XKR4: variants seen among roughly 807,000 people sequenced by gnomAD.
XKR4 encodes XK-related protein 4.
XKR4 carries 12 observed loss-of-function variants against 53.9 expected under a neutral mutation model. The observed-to-expected ratio is 0.22, with a 90% confidence interval of 0.14 to 0.36. XKR4 has a LOEUF of 0.36. Among genes scored for constraint, XKR4 ranks in the 10% least tolerant of loss-of-function variants. The pLI, the probability that XKR4 is intolerant of heterozygous loss-of-function variation, is 1.00. For synonymous variants in XKR4, 354 were observed against 362.4 expected, an observed-to-expected ratio of 0.98 and a Z score of 0.26; for missense variants, 799 against 859.5, an observed-to-expected ratio of 0.93 and a Z score of 0.88.
At chr8:55,479,408 A>T (rs900906623) in intron 2 of XKR4, among the ~76,000 whole-genome samples, 1 of 152,122 alleles carries the variant, frequency 6.6e-6, no homozygotes, top group South Asian at 2.1e-4. Context: ...CAGTGTGTAG[A>T]GGGAAATTTA....
At chr8:55,491,633 T>TGTTTGTTA (rs1806273790) in intron 2 of XKR4, among the ~76,000 whole-genome samples, 1 of 151,150 alleles carries the variant, frequency 6.6e-6, no homozygotes, top group Non-Finnish European at 1.5e-5. Context: ...GGGGTTTGTT[T>TGTTTGTTA]GTTTGTTTGT....
intron 2 of XKR4, among the ~76,000 whole-genome samples, chr8:55,410,012 C>T (rs1056842959): frequency 6.7e-6 from 1 of 150,294 alleles, no homozygotes; most frequent in African/African-American, 2.4e-5. Context: ...AACAGTCTGA[C>T]TGGAGCAGGG....
intron 1 of XKR4, among the ~76,000 whole-genome samples, chr8:55,187,136 G>A (rs10958448): frequency 0.1 from 15,830 of 151,890 alleles, 2,199 homozygotes; most frequent in African/African-American, 0.31. Context: ...CTCTTCATTA[G>A]TGGTTTGAAG....
chr8:55,451,779 G>A, intron 2 of XKR4: 1 of 1,044,064 alleles, frequency 9.6e-7, no homozygotes, highest in Non-Finnish European at 1.5e-6. Context: ...GGGGGCCCAG[G>A]CCAAGGCACT....
At chr8:55,272,915 T>C (rs1030737969) in intron 1 of XKR4, 1 of 454,144 alleles carries the variant, frequency 2.2e-6, no homozygotes, top group African/African-American at 2.0e-5. Context: ...ATATTTCAAC[T>C]ATTGGGTATA....
chr8:55,374,243 T>C (rs1169652639), intron 2 of XKR4, among the ~76,000 whole-genome samples: 1 of 152,268 alleles, frequency 6.6e-6, no homozygotes, highest in Non-Finnish European at 1.5e-5. Context: ...CACCTATCCA[T>C]GGCAGGCGCT....
intron 2 of XKR4, among the ~76,000 whole-genome samples, chr8:55,363,771 C>T (rs939956683): frequency 1.3e-5 from 2 of 152,080 alleles, no homozygotes; most frequent in Non-Finnish European, 2.9e-5. Context: ...AGAGTGCAGG[C>T]GAGAGTGCCA....
chr8:55,391,425 T>C (rs1451997858), intron 2 of XKR4, among the ~76,000 whole-genome samples: 4 of 152,176 alleles, frequency 2.6e-5, no homozygotes, highest in African/African-American at 9.7e-5. Flanking sequence ...ATAATGTACG[T>C]TTAAAAAGAA....
intron 1 of XKR4, among the ~76,000 whole-genome samples, chr8:55,273,382 T>C (rs1162348302): frequency 2.6e-5 from 4 of 152,210 alleles, no homozygotes; most frequent in African/African-American, 4.8e-5. Context: ...GTTTAGTTTA[T>C]AGTTTAAACA....
chr8:55,450,287 C>A, intron 2 of XKR4: 1 of 705,726 alleles, frequency 1.4e-6, no homozygotes, highest in South Asian at 1.7e-5. Context: ...AGTTCCCAGT[C>A]ATAGGGAGGG....
At chr8:55,475,344 T>G (rs892003315) in intron 2 of XKR4, among the ~76,000 whole-genome samples, 1 of 152,020 alleles carries the variant, frequency 6.6e-6, no homozygotes, top group African/African-American at 2.4e-5. Context: ...ATGTGGATTG[T>G]CTTATTTCAG....
At chr8:55,264,350 A>G (rs2129371526) in intron 1 of XKR4, among the ~76,000 whole-genome samples, 1 of 152,324 alleles carries the variant, frequency 6.6e-6, no homozygotes, top group South Asian at 2.1e-4. Context: ...TACACACTCC[A>G]TGAGAACAGA....
chr8:55,306,302 A>G (rs1240915963), intron 1 of XKR4, among the ~76,000 whole-genome samples: 5 of 152,222 alleles, frequency 3.3e-5, no homozygotes, highest in African/African-American at 7.2e-5. Flanking sequence ...TCCAGCTTTC[A>G]AGTACAGAGA....
intron 2 of XKR4, among the ~76,000 whole-genome samples, chr8:55,412,044 T>C (rs942258061): frequency 6.6e-6 from 1 of 152,182 alleles, no homozygotes; most frequent in African/African-American, 2.4e-5. Flanking sequence ...GAAAATTTCA[T>C]AGAGCACAGA....
At chr8:55,136,370 A>T (rs2129353678) in intron 1 of XKR4, among the ~76,000 whole-genome samples, 1 of 152,258 alleles carries the variant, frequency 6.6e-6, no homozygotes, top group South Asian at 2.1e-4. Flanking sequence ...TGAATGAATG[A>T]CTCTTCAAGT....
At chr8:55,306,601 G>A (rs1819304748) in intron 1 of XKR4, among the ~76,000 whole-genome samples, 1 of 152,160 alleles carries the variant, frequency 6.6e-6, no homozygotes, top group Admixed American at 6.5e-5. Context: ...ACTTATAGTA[G>A]CCATCAGATC....
chr8:55,105,493 C>T, intron 1 of XKR4, among the ~76,000 whole-genome samples: 1 of 152,070 alleles, frequency 6.6e-6, no homozygotes, highest in Non-Finnish European at 1.5e-5. Flanking sequence ...TTAAGCATTT[C>T]TATAGTATTT....
intron 2 of XKR4, among the ~76,000 whole-genome samples, chr8:55,507,045 A>T (rs932443666): frequency 6.6e-6 from 1 of 151,928 alleles, no homozygotes; most frequent in African/African-American, 2.4e-5. Flanking sequence ...ATGTTTCTTT[A>T]TGATTATCTG....
intron 1 of XKR4, among the ~76,000 whole-genome samples, chr8:55,127,841 T>A (rs1013993405): frequency 6.6e-6 from 1 of 151,784 alleles, no homozygotes; most frequent in East Asian, 2.0e-4. Context: ...TTTGGTTTTC[T>A]GTCCTTGCGA....
Sources: gnomAD v4.1 joint callset for allele counts (sites outside exome capture counted in the v4.1 genomes callset) on GRCh38, gnomAD v4.1.1 for gene constraint, MANE v1.5 for transcripts, NCBI Gene and HGNC (gene_info 2026-07-23, HGNC 2026-07-21) for gene names.